The following SLC25A10 variants were observed in gnomAD, a reference collection of about 807,000 sequenced individuals.
The protein encoded by SLC25A10 is solute carrier family 25 member 10, also known as mitochondrial dicarboxylate carrier.
SLC25A10 carries 32 observed loss-of-function variants against 40.4 expected under a neutral mutation model. That is an observed-to-expected ratio of 0.79 (90% CI 0.60 to 1.06). The LOEUF is 1.06. Among genes scored for constraint, SLC25A10 ranks in the 50% least tolerant of loss-of-function variants. The pLI is 0.00. For synonymous variants in SLC25A10, 181 were observed against 171.1 expected, an observed-to-expected ratio of 1.06 and a Z score of -0.45; for missense variants, 394 against 402.6, an observed-to-expected ratio of 0.98 and a Z score of 0.18.
intron 2 of SLC25A10, 98 bp downstream of exon 2, chr17:81,715,170 G>A (rs1021405355): frequency 1.3e-6 from 2 of 1,514,374 alleles, no homozygotes; most frequent in Admixed American, 1.9e-5. Context: ...TTTGTGCAAG[G>A]AAGGACCCAC....
chr17:81,717,585 C>T (rs994084386), intron 8 of SLC25A10, 94 bp downstream of exon 8: 3 of 1,460,418 alleles, frequency 2.1e-6, no homozygotes, highest in African/African-American at 2.8e-5. Context: ...GAGGCGGGGG[C>T]CTTGGGCATC....
rs748635430 is a variant in SLC25A10 at position 81,717,526 on chromosome 17, G to T, written c.627+35G>T. 3 of 1,609,660 alleles carry T rather than the reference G, an allele frequency of 1.9e-6. No homozygotes were observed. The African/African-American group carries it at 4.0e-5, about 22-fold the overall frequency. ...CGGCATGGCTAGGGTGGGCGTCCCT[G>T]GGCCGGCCTTGGGCGCTGAGGGCAC... On this transcript the variant is annotated intron_variant, in intron 8 of 10. Transcript: ENST00000350690.
intron 1 of SLC25A10, among the ~76,000 whole-genome samples, chr17:81,713,035 A>G (rs1260825055): frequency 1.3e-5 from 2 of 152,056 alleles, no homozygotes; most frequent in African/African-American, 4.8e-5. Context: ...GGGTGACCCG[A>G]TGCCCCGGCT....
At chr17:81,714,836 G>C (rs547124265) in intron 1 of SLC25A10, 117 bp from the exon 2 acceptor site, 5 of 1,406,226 alleles carry the variant, frequency 3.6e-6, no homozygotes, top group Non-Finnish European at 4.8e-6. Context: ...TGGAGTCCCC[G>C]GGCAGGGCCG....
Position 81,715,387 on chromosome 17 carries a change from C to T in SLC25A10, c.214-91C>T, listed in dbSNP as rs561180062. 6.3e-5 allele frequency: 74 copies of T among 1,171,408 alleles called. No homozygotes were observed. In the African/African-American group the frequency reaches 8.0e-4, roughly 13 times the overall value. 72.6% of individuals were successfully genotyped at this position (1,171,408 alleles called of 1,614,324 possible). ...GCCCCTCAGGGTCCCTGTGGCCCCTCGGGCTGAGGGGGATCCCTGGCTGGG... is the reference window on the plus strand; with the variant it reads ...GCCCCTCAGGGTCCCTGTGGCCCCTTGGGCTGAGGGGGATCCCTGGCTGGG... On this transcript the variant is annotated intron_variant, in intron 2 of 10. Coordinates refer to ENST00000350690, the MANE Select transcript of SLC25A10 (RefSeq NM_012140.5).
intron 9 of SLC25A10, 63 bp from the exon 10 acceptor site, chr17:81,719,768 G>T: frequency 6.3e-7 from 1 of 1,597,754 alleles, no homozygotes; most frequent in South Asian, 1.1e-5. Flanking sequence ...GCCTGGGAGG[G>T]GATTTTCGTT....
intron 7 of SLC25A10, 72 bp from the exon 8 acceptor site, chr17:81,717,327 G>A (rs562378323): frequency 2.1e-6 from 3 of 1,459,232 alleles, no homozygotes; most frequent in African/African-American, 1.4e-5. Context: ...AGGTGGTGTC[G>A]CCTGGGGCCC....
chr17:81,713,615 C>T lies in SLC25A10; in HGVS notation c.93+1096C>T, dbSNP rs537449031. On this transcript the variant is annotated intron_variant, in intron 1 of 10. Transcript: ENST00000350690. ...CACGGCCAGTGAGATGCAGCCACAG[C>T]GACAGGAAGGCGCTGGCATGGGCAG... is the stretch of plus-strand genomic sequence containing the variant. The T allele has an allele frequency of 4.4e-5, 18 of 409,028 alleles. No individual in the cohort carries two copies. The South Asian group carries it at 1.1e-3, about 25-fold the overall frequency. 25.3% of individuals were successfully genotyped at this position (409,028 alleles called of 1,614,324 possible).
At chr17:81,716,626 C>T (rs983655358) in intron 5 of SLC25A10, 186 bp from the exon 6 acceptor site, 16 of 617,458 alleles carry the variant, frequency 2.6e-5, no homozygotes, top group South Asian at 3.9e-5. Context: ...CCCTGAGGGC[C>T]GGGCGGGGCG....
At chr17:81,713,875 C>T (rs1260590751) in intron 1 of SLC25A10, among the ~76,000 whole-genome samples, 1 of 152,188 alleles carries the variant, frequency 6.6e-6, no homozygotes, top group African/African-American at 2.4e-5. Flanking sequence ...CCTGGGAGGG[C>T]GGGAGGAGCC....
chr17:81,713,061 C>G (rs949221698), intron 1 of SLC25A10, among the ~76,000 whole-genome samples: 2 of 152,164 alleles, frequency 1.3e-5, no homozygotes, highest in Non-Finnish European at 2.9e-5. Context: ...CTGCTTCCTT[C>G]GGAGAGCTGC....
chr17:81,716,542 G>T, intron 5 of SLC25A10: 1 of 574,122 alleles, frequency 1.7e-6, no homozygotes, highest in Non-Finnish European at 3.1e-6. Context: ...GACCCCGGGG[G>T]CTGGCGGGCA....
In SLC25A10 at chr17:81,717,058, G is replaced by A; in HGVS notation, c.520G>A (p.Val174Ile). The change falls in exon 7 of 11, where the codon GTC (valine) becomes ATC (isoleucine). Residue 174 changes from valine (V) to isoleucine (I), a missense_variant. Val to Ile is a conservative substitution (Grantham distance 29). Transcript: ENST00000350690. Reference protein sequence around the residue: ...ATMASSRGALVTVGQLSCYDQ... With the variant: ...ATMASSRGALITVGQLSCYDQ... ...CATGGCATCCAGCCGAGGGGCCTTA[G>A]TCACTGTGGGCCAGGTAGGCCTCCT... The A allele has an allele frequency of 6.2e-7, 1 of 1,613,796 alleles. No individual in the cohort carries two copies. The highest frequency in any genetic ancestry group is 2.2e-5 in the East Asian group (1 of 44,884).
Position 81,717,081 on chromosome 17 carries a change from C to T in SLC25A10, c.534+9C>T, listed in dbSNP as rs1598213361. On this transcript the variant is annotated intron_variant, in intron 7 of 10. Transcript: ENST00000350690. Reference sequence around the variant, plus strand: ...TAGTCACTGTGGGCCAGGTAGGCCTCCTGCGTGGGGTGGGTGTGGGCAGTG... The same window carrying T: ...TAGTCACTGTGGGCCAGGTAGGCCTTCTGCGTGGGGTGGGTGTGGGCAGTG... 6.2e-7 allele frequency: 1 copy of T among 1,613,408 alleles called. No homozygotes were observed. The highest frequency in any genetic ancestry group is 2.2e-5 in the East Asian group (1 of 44,882).
In SLC25A10 at chr17:81,717,862, G is replaced by T. The variant is rs1470611766; in HGVS notation, c.705+1G>T. 2 of 1,605,360 alleles carry T rather than the reference G, an allele frequency of 1.2e-6. No homozygotes were observed. The highest frequency in any genetic ancestry group is 2.7e-5 in the African/African-American group (2 of 74,668). ...GATGAACTCCAAGGGGGAGTATCAG[G>T]TGAGTGGGGCCCTGCCTGTGCAGTT... On this transcript the variant is annotated splice_donor_variant, in intron 9 of 10. Transcript: ENST00000350690. LOFTEE classifies it high-confidence loss of function.
Position 81,715,735 on chromosome 17 carries a change from A to G in SLC25A10, c.371A>G (p.Asn124Ser), listed in dbSNP as rs1417703511. The change falls in exon 4 of 11, where the codon AAC (asparagine) becomes AGC (serine). Residue 124 changes from asparagine (N) to serine (S), a missense_variant. Coordinates refer to ENST00000350690, the MANE Select transcript of SLC25A10 (RefSeq NM_012140.5). ...GFVGTPADLV[N>S]VRMQNDVKLP... ...GTGGGGACGCCCGCAGACTTGGTCA[A>G]CGTCAGGTTGGTGTTCCCCCACCCC... is the stretch of plus-strand genomic sequence containing the variant. 1 of 1,613,286 alleles carries G rather than the reference A, an allele frequency of 6.2e-7. No individual in the cohort carries two copies. Among genetic ancestry groups the G allele is most frequent in the Admixed American group, 1.7e-5 (1 of 60,014 alleles).
Position 81,720,380 on chromosome 17 carries a change from CCT to C in SLC25A10, c.*307_*308del. The C allele has an allele frequency of 2.1e-6, 3 of 1,408,806 alleles. No individual in the cohort carries two copies. The highest frequency in any genetic ancestry group is 2.8e-6 in the Non-Finnish European group (3 of 1,087,864). The allele number at this position is 1,408,806 out of a possible 1,614,324, so 87.3% of individuals were successfully genotyped here. On this transcript the variant is annotated 3_prime_UTR_variant, in exon 11 of 11. Transcript: ENST00000350690. ...GGGGCTACCAGAGGCTGATTTCTCC[CCT>C]CTCCTGGGCCAGGGGAGGGGTATTA...
intron 9 of SLC25A10, among the ~76,000 whole-genome samples, chr17:81,718,920 G>A (rs1204114045): frequency 1.3e-5 from 2 of 151,820 alleles, no homozygotes; most frequent in Non-Finnish European, 2.9e-5. Flanking sequence ...CTGCACTCCA[G>A]CCTGGATGAC....
chr17:81,715,407 G>A (rs2037464380), intron 2 of SLC25A10, 71 bp from the exon 3 acceptor site: 10 of 1,357,348 alleles, frequency 7.4e-6, no homozygotes, highest in Non-Finnish European at 9.4e-6. Flanking sequence ...GGGATCCCTG[G>A]CTGGGCCGGG....
Sources: gnomAD v4.1 joint callset for allele counts (sites outside exome capture counted in the v4.1 genomes callset) on GRCh38, gnomAD v4.1.1 for gene constraint, MANE v1.5 for transcripts, NCBI Gene and HGNC (gene_info 2026-07-23, HGNC 2026-07-21) for gene names.